Variants in SOX6 observed in about 807,000 individuals in gnomAD.
The protein encoded by SOX6 is transcription factor SOX-6.
Under a neutral mutation model 97.8 loss-of-function variants are expected in SOX6, and 11 were observed. The ratio of observed to expected loss-of-function variants is 0.11; its 90% confidence interval spans 0.07 to 0.19. The LOEUF (loss-of-function observed/expected upper bound fraction) is 0.19, where lower values mean the gene tolerates loss of function less well. Ranked by LOEUF, SOX6 falls within the 10% of genes least tolerant of loss-of-function variation. The pLI is 1.00. For missense variants in SOX6, 810 were observed against 1,039.5 expected (o/e 0.78, Z 3.04); for synonymous variants, 360 against 371.4 (o/e 0.97, Z 0.35).
intron 1 of SOX6, among the ~76,000 whole-genome samples, chr11:16,472,501 G>A (rs2133116904): frequency 6.6e-6 from 1 of 152,002 alleles, no homozygotes; most frequent in African/African-American, 2.4e-5. Flanking sequence ...ATAAATTAAA[G>A]GCTTATGTTT....
chr11:16,512,651 G>A (rs1427179479), intron 4 of SOX6, among the ~76,000 whole-genome samples: 2 of 152,130 alleles, frequency 1.3e-5, no homozygotes, highest in Non-Finnish European at 2.9e-5. Flanking sequence ...TCCCAACCAT[G>A]TAGTAAAGTA....
chr11:16,369,371 A>G (rs959482730), intron 1 of SOX6, among the ~76,000 whole-genome samples: 19 of 151,948 alleles, frequency 1.3e-4, no homozygotes, highest in Admixed American at 5.9e-4. Context: ...TTCTTTTTCT[A>G]TAGCATTCAT....
At chr11:16,380,137 G>A (rs1427949963) in intron 1 of SOX6, among the ~76,000 whole-genome samples, 1 of 151,296 alleles carries the variant, frequency 6.6e-6, no homozygotes, top group Admixed American at 6.6e-5. Context: ...TATATGTATT[G>A]CCTAAATTTC....
At chr11:16,718,855 G>C (rs1848237920) in intron 2 of SOX6, among the ~76,000 whole-genome samples, 1 of 151,712 alleles carries the variant, frequency 6.6e-6, no homozygotes, top group Non-Finnish European at 1.5e-5. Context: ...ATATAGGCCA[G>C]GTGTGGTGGC....
intron 3 of SOX6, among the ~76,000 whole-genome samples, chr11:16,666,837 A>G (rs1038184898): frequency 5.3e-5 from 8 of 152,158 alleles, no homozygotes; most frequent in African/African-American, 1.7e-4. Flanking sequence ...ACAAAAGAAT[A>G]AAAAATAAGC....
chr11:15,989,821 A>G (rs1474752863), intron 13 of SOX6, among the ~76,000 whole-genome samples: 2 of 152,162 alleles, frequency 1.3e-5, no homozygotes, highest in African/African-American at 4.8e-5. Flanking sequence ...ATGGTAAATA[A>G]AACAGCTCCT....
At chr11:16,176,625 G>A (rs1230785838) in intron 6 of SOX6, among the ~76,000 whole-genome samples, 3 of 151,808 alleles carry the variant, frequency 2.0e-5, no homozygotes, top group African/African-American at 7.3e-5. Context: ...TGCCTTGTAG[G>A]TATATACCCA....
chr11:16,111,836 A>T lies in SOX6; in HGVS notation c.865T>A (p.Phe289Ile). The change falls in exon 7 of 16, where the codon TTC becomes ATC. Residue 289 changes from phenylalanine to isoleucine, a missense_variant. Phe to Ile is a conservative substitution (Grantham distance 21). Coordinates refer to ENST00000683767, the MANE Select transcript of SOX6 (RefSeq NM_001367873.1). ...LAAAAAAQQGFLFPPGITYKP... is the reference protein window; with the variant it reads ...LAAAAAAQQGILFPPGITYKP... ...TATGTTATTCCAGGGGGGAAGAGGA[A>T]TCCCTGTTGGGCAGCAGCAGCTGCT... The T allele has an allele frequency of 1.2e-6, 2 of 1,613,052 alleles. No individual in the cohort carries two copies.
intron 1 of SOX6, among the ~76,000 whole-genome samples, chr11:16,394,170 C>A (rs2134430951): frequency 6.6e-6 from 1 of 151,970 alleles, no homozygotes; most frequent in South Asian, 2.1e-4. Flanking sequence ...CTATGCATAT[C>A]ATTGAAGAAG....
chr11:16,157,199 C>T (rs917595347), intron 6 of SOX6, among the ~76,000 whole-genome samples: 31 of 151,940 alleles, frequency 2.0e-4, no homozygotes, highest in Non-Finnish European at 8.8e-5. Context: ...ATCTCTATTC[C>T]TACTTATACC....
At chr11:16,540,102 C>T (rs1861380098) in intron 4 of SOX6, among the ~76,000 whole-genome samples, 1 of 152,054 alleles carries the variant, frequency 6.6e-6, no homozygotes. Context: ...TCCAGCAGCA[C>T]ATGAAAAAGC....
At chr11:16,368,150 C>T (rs1423067516) in intron 1 of SOX6, among the ~76,000 whole-genome samples, 1 of 152,068 alleles carries the variant, frequency 6.6e-6, no homozygotes, top group Non-Finnish European at 1.5e-5. Flanking sequence ...TTATGTTTTG[C>T]AAATTATAGC....
intron 6 of SOX6, among the ~76,000 whole-genome samples, chr11:16,154,239 G>A (rs542263484): frequency 1.3e-5 from 2 of 152,064 alleles, no homozygotes; most frequent in African/African-American, 4.8e-5. Context: ...ACTAGAGTTT[G>A]TAAATACATG....
intron 11 of SOX6, among the ~76,000 whole-genome samples, chr11:16,049,104 T>C (rs1214365741): frequency 1.3e-5 from 2 of 152,084 alleles, no homozygotes; most frequent in Non-Finnish European, 2.9e-5. Flanking sequence ...AACTTGAAAA[T>C]ATTAAATAAC....
chr11:16,085,390 T>C (rs1217350371), intron 9 of SOX6, among the ~76,000 whole-genome samples: 2 of 152,186 alleles, frequency 1.3e-5, no homozygotes, highest in African/African-American at 2.4e-5. Flanking sequence ...ACCTTTCTTA[T>C]AGAGTTTTTA....
chr11:16,129,405 C>G (rs1217033176), intron 6 of SOX6, among the ~76,000 whole-genome samples: 1 of 152,060 alleles, frequency 6.6e-6, no homozygotes, highest in African/African-American at 2.4e-5. Flanking sequence ...TTAAAATCTT[C>G]TATTATTCTT....
intron 6 of SOX6, among the ~76,000 whole-genome samples, chr11:16,125,444 G>A (rs1490585490): frequency 3.9e-5 from 6 of 151,996 alleles, no homozygotes; most frequent in African/African-American, 1.2e-4. Flanking sequence ...TACAAAGATC[G>A]ATATATACAA....
At chr11:16,690,844 T>C (rs1848007774) in intron 3 of SOX6, among the ~76,000 whole-genome samples, 1 of 152,232 alleles carries the variant, frequency 6.6e-6, no homozygotes, top group African/African-American at 2.4e-5. Context: ...AAATGACATA[T>C]AGTAACACGT....
chr11:16,717,334 CATATT>C (rs1267842342), intron 2 of SOX6, among the ~76,000 whole-genome samples: 1 of 152,020 alleles, frequency 6.6e-6, no homozygotes, highest in African/African-American at 2.4e-5. Context: ...TTAGAACTTT[CATATT>C]ATATTACAGA....
Sources: allele counts gnomAD v4.1 joint callset (sites outside exome capture counted in the v4.1 genomes callset), GRCh38; gene constraint gnomAD v4.1.1; transcripts MANE v1.5; gene names NCBI Gene and HGNC (gene_info 2026-07-23, HGNC 2026-07-21).